FNIP1: variants seen among roughly 807,000 people sequenced by gnomAD.
The protein encoded by FNIP1 is folliculin interacting protein 1.
FNIP1 carries 40 observed loss-of-function variants against 124.5 expected under a neutral mutation model. That is an observed-to-expected ratio of 0.32 (90% CI 0.25 to 0.42). The LOEUF is 0.42. Among genes scored for constraint, FNIP1 ranks in the 10% least tolerant of loss-of-function variants. The pLI, the probability that FNIP1 is intolerant of heterozygous loss-of-function variation, is 1.00. For synonymous variants in FNIP1, 472 were observed against 470.6 expected (o/e 1.00, Z -0.04); for missense variants, 1,176 against 1,403.7 (o/e 0.84, Z 2.59).
chr5:131,672,555 C>G lies in FNIP1; in HGVS notation c.1889G>C (p.Arg630Thr). 1 of 1,614,060 alleles carries G rather than the reference C, an allele frequency of 6.2e-7. No homozygotes were observed. Among genetic ancestry groups the G allele is most frequent in the Non-Finnish European group, 8.5e-7 (1 of 1,180,028 alleles). ...QNVENISQQE[R>T]EDIQNSSKEL... ...CTTAGAGCTGTTTTGAATATCTTCTCTCTCTTGTTGTGAAATGTTCTCTAC... is the reference window on the plus strand; with the variant it reads ...CTTAGAGCTGTTTTGAATATCTTCTGTCTCTTGTTGTGAAATGTTCTCTAC... The change falls in exon 14 of 18, where the codon AGA becomes ACA. Residue 630 changes from arginine to threonine, a missense_variant. Physicochemically the swap from Arg to Thr is moderately conservative, Grantham distance 71 (BLOSUM62 -1). Coordinates refer to ENST00000510461, the MANE Select transcript of FNIP1 (RefSeq NM_133372.3).
At chr5:131,773,460 G>T (rs1771707836) in intron 1 of FNIP1, among the ~76,000 whole-genome samples, 1 of 152,142 alleles carries the variant, frequency 6.6e-6, no homozygotes, top group East Asian at 1.9e-4. Flanking sequence ...ATTGTAGTTA[G>T]AGATTTCCAC....
chr5:131,794,258 A>C (rs1438521965), intron 1 of FNIP1, among the ~76,000 whole-genome samples: 1 of 150,662 alleles, frequency 6.6e-6, no homozygotes, highest in African/African-American at 2.4e-5. Flanking sequence ...AAAAAAAGTA[A>C]ATTTCATATT....
chr5:131,776,047 A>G (rs1054368605), intron 1 of FNIP1, among the ~76,000 whole-genome samples: 6 of 152,220 alleles, frequency 3.9e-5, no homozygotes, highest in Admixed American at 3.9e-4. Context: ...AATGTATGCT[A>G]TGTTCATATC....
chr5:131,753,409 T>C lies in FNIP1; in HGVS notation c.93-8719A>G, dbSNP rs182995798. On this transcript the variant is annotated intron_variant, in intron 1 of 17. Coordinates refer to ENST00000510461, the MANE Select transcript of FNIP1 (RefSeq NM_133372.3). ...ACGATATATTCCTACATTGAAATAC[T>C]ACTCAGAAATACCAAGGAATGAATT... Among the ~76,000 whole-genome samples, 420 of 152,318 alleles carry C rather than the reference T, an allele frequency of 2.8e-3. 5 individuals carry two copies. The highest frequency in any genetic ancestry group is 0.017 in the South Asian group (80 of 4,822).
chr5:131,715,157 C>G (rs1309215874), intron 6 of FNIP1, among the ~76,000 whole-genome samples: 2 of 152,102 alleles, frequency 1.3e-5, no homozygotes, highest in Non-Finnish European at 1.5e-5. Flanking sequence ...TATAATTTAC[C>G]TTTATAAGTA....
At chr5:131,771,434 T>C (rs113221498) in intron 1 of FNIP1, among the ~76,000 whole-genome samples, 187 of 152,302 alleles carry the variant, frequency 1.2e-3, no homozygotes, top group African/African-American at 4.0e-3. Flanking sequence ...AGAGAAAAGC[T>C]TGATGCCCAC....
chr5:131,657,742 A>AAC (rs1767243960), intron 15 of FNIP1, among the ~76,000 whole-genome samples: 1 of 142,148 alleles, frequency 7.0e-6, no homozygotes, highest in Non-Finnish European at 1.5e-5. Flanking sequence ...AAGGCAAAAA[A>AAC]AAAAAAAAAA....
chr5:131,733,771 G>C (rs571278442), intron 2 of FNIP1, among the ~76,000 whole-genome samples: 51 of 152,180 alleles, frequency 3.4e-4, no homozygotes, highest in African/African-American at 1.2e-3. Flanking sequence ...ATTCATCAGG[G>C]ATATTGGTCT....
intron 15 of FNIP1, among the ~76,000 whole-genome samples, chr5:131,668,072 T>A (rs1767653256): frequency 6.6e-6 from 1 of 152,164 alleles, no homozygotes; most frequent in Non-Finnish European, 1.5e-5. Context: ...AGCACGGACA[T>A]AAAAGACTTA....
At position 131,670,632 on chromosome 5, in the gene FNIP1, C is replaced by T; in HGVS notation, c.2940-1G>A. The stretch of plus-strand genomic sequence containing the variant: ...AGCACTCACTTCGATTAACTTTGAC[C>T]TGGAAGAAAAATGCCCCCAAAAGAC... On this transcript the variant is annotated splice_acceptor_variant, in intron 14 of 17. Coordinates refer to ENST00000510461, the MANE Select transcript of FNIP1 (RefSeq NM_133372.3). LOFTEE classifies it high-confidence loss of function. 6.3e-7 allele frequency: 1 copy of T among 1,582,376 alleles called. No homozygotes were observed. Among genetic ancestry groups the T allele is most frequent in the Non-Finnish European group, 8.6e-7 (1 of 1,169,292 alleles).
At chr5:131,735,531 C>T (rs531372850) in intron 2 of FNIP1, among the ~76,000 whole-genome samples, 7 of 145,832 alleles carry the variant, frequency 4.8e-5, no homozygotes, top group African/African-American at 7.5e-5. Flanking sequence ...TACATATATA[C>T]GTATTTATAT....
At chr5:131,684,099 A>T (rs552438691) in intron 11 of FNIP1, among the ~76,000 whole-genome samples, 1 of 152,348 alleles carries the variant, frequency 6.6e-6, no homozygotes, top group South Asian at 2.1e-4. Flanking sequence ...TACATTTGGA[A>T]GCCATTTTTA....
chr5:131,659,301 C>T (rs1160325070), intron 15 of FNIP1, among the ~76,000 whole-genome samples: 1 of 152,202 alleles, frequency 6.6e-6, no homozygotes, highest in East Asian at 1.9e-4. Context: ...TTGTGGATGT[C>T]ACAGGATTCC....
chr5:131,769,856 T>C (rs961392712), intron 1 of FNIP1, among the ~76,000 whole-genome samples: 10 of 152,224 alleles, frequency 6.6e-5, no homozygotes, highest in African/African-American at 2.4e-4. Flanking sequence ...AGTACATGAC[T>C]ACGAGAAAAT....
intron 2 of FNIP1, among the ~76,000 whole-genome samples, chr5:131,735,472 CAT>C (rs1770260694): frequency 8.6e-5 from 1 of 11,658 alleles, no homozygotes; most frequent in Non-Finnish European, 2.0e-4. Flanking sequence ...TATATACACA[CAT>C]ACGTATATAT....
chr5:131,723,343 G>C (rs1769739834), intron 3 of FNIP1, among the ~76,000 whole-genome samples: 1 of 151,888 alleles, frequency 6.6e-6, no homozygotes, highest in South Asian at 2.1e-4. Context: ...AAATACCAAG[G>C]CATTTATTTA....
At chr5:131,646,014 G>A (rs1378953450) in intron 17 of FNIP1, among the ~76,000 whole-genome samples, 1 of 152,158 alleles carries the variant, frequency 6.6e-6, no homozygotes, top group Non-Finnish European at 1.5e-5. Flanking sequence ...AAAATGCACT[G>A]TGAATTTTGG....
intron 15 of FNIP1, among the ~76,000 whole-genome samples, chr5:131,653,603 G>C (rs1399745805): frequency 6.6e-6 from 1 of 151,622 alleles, no homozygotes; most frequent in Non-Finnish European, 1.5e-5. Context: ...ACATCTAAAT[G>C]AAAGTGTATA....
chr5:131,751,956 C>T (rs185546680), intron 1 of FNIP1, among the ~76,000 whole-genome samples: 109 of 152,250 alleles, frequency 7.2e-4, no homozygotes, highest in African/African-American at 2.5e-3. Context: ...CACTGAATCA[C>T]GCACTTTAGA....
Sources: gnomAD v4.1 joint callset for allele counts (sites outside exome capture counted in the v4.1 genomes callset) on GRCh38, gnomAD v4.1.1 for gene constraint, MANE v1.5 for transcripts, NCBI Gene and HGNC (gene_info 2026-07-23, HGNC 2026-07-21) for gene names.